Variants in TMEM266 observed in about 807,000 individuals in gnomAD.
TMEM266 encodes Hv1 related protein 1.
TMEM266 carries 33 observed loss-of-function variants against 50.5 expected under a neutral mutation model. The ratio of observed to expected loss-of-function variants is 0.65; its 90% CI spans 0.50 to 0.87. The LOEUF (loss-of-function observed/expected upper bound fraction) is 0.87, where lower values mean the gene tolerates loss of function less well. Ranked by LOEUF, TMEM266 falls within the 40% of genes least tolerant of loss-of-function variation. TMEM266 has a pLI of 0.00. For missense variants in TMEM266, 655 were observed against 695.1 expected (o/e 0.94, Z 0.65); for synonymous variants, 310 against 292.3 (o/e 1.06, Z -0.62).
chr15:76,152,980 C>T (rs191076796), intron 3 of TMEM266, among the ~76,000 whole-genome samples: 82 of 152,258 alleles, frequency 5.4e-4, no homozygotes, highest in African/African-American at 1.9e-3. Context: ...CTGCCATCTG[C>T]CCAGTCCTCT....
At chr15:76,124,606 C>A (rs1261414475) in intron 1 of TMEM266, among the ~76,000 whole-genome samples, 1 of 151,904 alleles carries the variant, frequency 6.6e-6, no homozygotes, top group Non-Finnish European at 1.5e-5. Context: ...CCAGACCAGC[C>A]TAGGCAACAT....
intron 10 of TMEM266, 89 bp from the exon 11 acceptor site, chr15:76,203,652 G>C: frequency 7.9e-7 from 1 of 1,269,900 alleles, no homozygotes; most frequent in Non-Finnish European, 1.1e-6. Flanking sequence ...CACACTCATT[G>C]CCCACCGCCC....
intron 8 of TMEM266, chr15:76,180,875 A>G (rs2142071281): frequency 6.6e-6 from 1 of 151,998 alleles, no homozygotes; most frequent in African/African-American, 2.4e-5. Context: ...CACCCTCCCA[A>G]AGTGCTGTGA....
intron 6 of TMEM266, 29 bp downstream of exon 6, chr15:76,169,901 C>A (rs776701382): frequency 6.2e-7 from 1 of 1,603,238 alleles, no homozygotes; most frequent in South Asian, 1.1e-5. Flanking sequence ...CCCCAAAGCC[C>A]CCACTCTGCC....
intron 8 of TMEM266, 44 bp from the exon 9 acceptor site, chr15:76,191,924 C>CGGCCCCTCGCCGCTGATTCAGCCT (rs1239580232): frequency 3.3e-6 from 5 of 1,518,068 alleles, no homozygotes; most frequent in Non-Finnish European, 3.5e-6. Flanking sequence ...AGGCCCCCGC[C>CGGCCCCTCGCCGCTGATTCAGCCT]GGCCCCTCGC....
chr15:76,202,384 AG>A (rs750126236), intron 10 of TMEM266, 120 bp downstream of exon 10: 5 of 860,574 alleles, frequency 5.8e-6, no homozygotes, highest in Non-Finnish European at 9.0e-6. Flanking sequence ...CCATAACTGC[AG>A]GCAGTGCTCA....
intron 1 of TMEM266, among the ~76,000 whole-genome samples, chr15:76,085,899 T>A (rs1189779633): frequency 6.6e-6 from 1 of 151,804 alleles, no homozygotes; most frequent in Non-Finnish European, 1.5e-5. Context: ...ATACAAAAAA[T>A]TTGCTGGGTA....
At chr15:76,184,985 C>T (rs1345920026) in intron 8 of TMEM266, among the ~76,000 whole-genome samples, 3 of 152,146 alleles carry the variant, frequency 2.0e-5, no homozygotes, top group Non-Finnish European at 4.4e-5. Flanking sequence ...TTCATCGGAG[C>T]CACTGTGCAC....
At chr15:76,106,072 C>T (rs748780727) in intron 1 of TMEM266, among the ~76,000 whole-genome samples, 9 of 152,138 alleles carry the variant, frequency 5.9e-5, no homozygotes, top group South Asian at 2.1e-4. Context: ...CCCAGTTTAG[C>T]GGGATCAGGC....
chr15:76,198,316 C>T (rs1330910150), intron 9 of TMEM266, among the ~76,000 whole-genome samples: 3 of 152,180 alleles, frequency 2.0e-5, no homozygotes, highest in Non-Finnish European at 2.9e-5. Context: ...CTGCACAGCA[C>T]AGTCCCTTGG....
Position 76,204,217 on chromosome 15 carries a change from C to A in TMEM266, c.1498C>A (p.Pro500Thr). Residue 500 changes from proline to threonine, a missense_variant, in exon 11 of 11, where the codon CCT (proline) becomes ACT (threonine). This residue lies in a region of TMEM266 where 455 missense variants were observed against 401.8 expected (regional missense o/e 1.13). Coordinates refer to ENST00000388942, the MANE Select transcript of TMEM266 (RefSeq NM_152335.3). ...GGGCTTCACTGTCTTTCAGATCAGG[C>A]CTGTCATCCACTTCCAGCCCACTGT... is the stretch of plus-strand genomic sequence containing the variant. 3.7e-6 allele frequency: 6 copies of A among 1,613,990 alleles called. No homozygotes were observed. Among genetic ancestry groups the A allele is most frequent in the Non-Finnish European group, 5.1e-6 (6 of 1,180,008 alleles).
At chr15:76,201,720 CCCACAGGTGGATCGAG>C (rs2038751516) in intron 9 of TMEM266, among the ~76,000 whole-genome samples, 1 of 152,250 alleles carries the variant, frequency 6.6e-6, no homozygotes, top group African/African-American at 2.4e-5. Context: ...AAGGCTGGAG[CCCACAGGTGGATCGAG>C]CCACGGGGGG....
chr15:76,109,859 T>C (rs192659878), intron 1 of TMEM266, among the ~76,000 whole-genome samples: 1 of 152,122 alleles, frequency 6.6e-6, no homozygotes, highest in East Asian at 1.9e-4. Flanking sequence ...AAGGTTTCAC[T>C]GTTTTACCCA....
At chr15:76,199,302 G>C (rs529236429) in intron 9 of TMEM266, among the ~76,000 whole-genome samples, 6 of 152,230 alleles carry the variant, frequency 3.9e-5, no homozygotes, top group African/African-American at 1.4e-4. Context: ...AGACCAGTCC[G>C]AAGCTCAGGA....
chr15:76,063,737 T>C (rs2036354586), intron 1 of TMEM266, among the ~76,000 whole-genome samples: 1 of 152,230 alleles, frequency 6.6e-6, no homozygotes, highest in South Asian at 2.1e-4. Context: ...CCAACTCTGG[T>C]ACTGTGAAAA....
chr15:76,169,114 A>G (rs2038146021), intron 5 of TMEM266, among the ~76,000 whole-genome samples: 1 of 152,114 alleles, frequency 6.6e-6, no homozygotes, highest in Admixed American at 6.5e-5. Context: ...ACACTTATGC[A>G]CCCAATTCTG....
intron 1 of TMEM266, among the ~76,000 whole-genome samples, chr15:76,115,413 A>G (rs2037231891): frequency 6.6e-6 from 1 of 152,238 alleles, no homozygotes; most frequent in African/African-American, 2.4e-5. Context: ...CACCTAAATC[A>G]AAACCTTGGT....
intron 5 of TMEM266, 111 bp from the exon 6 acceptor site, chr15:76,169,705 A>T: frequency 1.6e-6 from 2 of 1,220,466 alleles, no homozygotes; most frequent in Admixed American, 3.5e-5. Flanking sequence ...GATGGCGGAG[A>T]CCTTTTCCTT....
At chr15:76,155,684 G>T (rs574798187) in intron 3 of TMEM266, among the ~76,000 whole-genome samples, 2 of 152,128 alleles carry the variant, frequency 1.3e-5, no homozygotes, top group South Asian at 4.2e-4. Context: ...ATTTAACTTC[G>T]TTGGACCCAA....
Sources: allele counts gnomAD v4.1 joint callset (sites outside exome capture counted in the v4.1 genomes callset), GRCh38; gene constraint gnomAD v4.1.1; regional missense constraint gnomAD v4.1.1; transcripts MANE v1.5; gene names NCBI Gene and HGNC (gene_info 2026-07-23, HGNC 2026-07-21).